Variants in HSD17B12 observed in about 807,000 individuals in gnomAD.
HSD17B12 encodes the protein very-long-chain 3-oxoacyl-CoA reductase.
HSD17B12 carries 32 observed loss-of-function variants against 39.3 expected under a neutral mutation model. That is an observed-to-expected ratio of 0.81 (90% CI 0.61 to 1.09). The LOEUF is 1.09. HSD17B12 is among the 50% of genes least tolerant of loss of function. The pLI is 0.00. For missense variants in HSD17B12, 342 were observed against 382.9 expected (o/e 0.89, Z 0.89); for synonymous variants, 150 against 146.7 (o/e 1.02, Z -0.16).
chr11:43,747,629 A>G (rs759074297), intron 1 of HSD17B12, among the ~76,000 whole-genome samples: 12 of 152,354 alleles, frequency 7.9e-5, no homozygotes, highest in Middle Eastern at 3.4e-3. Context: ...GAATGTGGAC[A>G]GATATGCAGG....
the HSD17B12 span, among the ~76,000 whole-genome samples, chr11:43,613,746 A>C: frequency 1.3e-5 from 2 of 151,722 alleles, no homozygotes; most frequent in Non-Finnish European, 1.5e-5. Flanking sequence ...AGCTCACTGC[A>C]AACTCCGCCT....
intron 1 of HSD17B12, among the ~76,000 whole-genome samples, chr11:43,717,799 T>A (rs1950137528): frequency 7.4e-6 from 1 of 135,616 alleles, no homozygotes; most frequent in Non-Finnish European, 1.6e-5. Flanking sequence ...CACATTCTTC[T>A]TCTTCTTTTT....
chr11:43,707,578 A>G (rs898529383), intron 1 of HSD17B12, among the ~76,000 whole-genome samples: 3 of 152,216 alleles, frequency 2.0e-5, no homozygotes, highest in Admixed American at 2.0e-4. Flanking sequence ...GGGAGTTATC[A>G]GTTGTGTTAC....
At chr11:43,584,362 G>C in the HSD17B12 span, among the ~76,000 whole-genome samples, 1 of 152,194 alleles carries the variant, frequency 6.6e-6, no homozygotes, top group Non-Finnish European at 1.5e-5. Context: ...AGAAGGCTTT[G>C]TGGGCATCTC....
Position 43,804,678 on chromosome 11 carries a change from A to G in HSD17B12, c.391+6251A>G, listed in dbSNP as rs1275368418. Among the ~76,000 whole-genome samples the G allele has an allele frequency of 2.6e-5, 4 of 152,034 alleles. No individual in the cohort carries two copies. The South Asian group carries it at 8.3e-4, about 32-fold the overall frequency. ...TAAACCTTATGGATTTGGGGAAGCA[A>G]TTGTGTTGCATTTTTCTCCCGAAAA... On this transcript the variant is annotated intron_variant, in intron 4 of 10. Coordinates refer to ENST00000278353, the MANE Select transcript of HSD17B12 (RefSeq NM_016142.3).
the HSD17B12 span, among the ~76,000 whole-genome samples, chr11:43,649,364 C>T: frequency 6.6e-6 from 1 of 152,006 alleles, no homozygotes; most frequent in Admixed American, 6.6e-5. Flanking sequence ...GTAATTGTTT[C>T]ATCCTAACAG....
chr11:43,731,539 A>G (rs1034751872), intron 1 of HSD17B12, among the ~76,000 whole-genome samples: 3 of 152,214 alleles, frequency 2.0e-5, no homozygotes, highest in Admixed American at 2.0e-4. Context: ...CATACTGTTT[A>G]TAACTAAGGA....
At chr11:43,753,963 T>C in intron 2 of HSD17B12, 83 bp from the exon 3 acceptor site, 1 of 801,890 alleles carries the variant, frequency 1.2e-6, no homozygotes, top group Non-Finnish European at 2.0e-6. Context: ...TCTGGACAGG[T>C]TTTCTTAAAA....
chr11:43,777,356 C>A (rs1252591765), intron 3 of HSD17B12, among the ~76,000 whole-genome samples: 2 of 152,074 alleles, frequency 1.3e-5, no homozygotes, highest in African/African-American at 4.8e-5. Flanking sequence ...GTATTTTATT[C>A]TCTTTGAAGC....
intron 3 of HSD17B12, among the ~76,000 whole-genome samples, chr11:43,792,285 T>C (rs555821400): frequency 2.0e-3 from 311 of 152,336 alleles, no homozygotes; most frequent in Non-Finnish European, 2.5e-3. Context: ...GTCTTGCATC[T>C]TTTAAATCTC....
chr11:43,715,489 T>TA (rs1477743774), intron 1 of HSD17B12, among the ~76,000 whole-genome samples: 2 of 152,182 alleles, frequency 1.3e-5, no homozygotes, highest in African/African-American at 2.4e-5. Flanking sequence ...TTGATCATGG[T>TA]AGATAAGCTT....
At chr11:43,841,480 G>A (rs7111450) in intron 9 of HSD17B12, among the ~76,000 whole-genome samples, 95,526 of 152,030 alleles carry the variant, frequency 0.63, 30,579 homozygotes, top group East Asian at 0.71. Context: ...CCAGTGTCAT[G>A]AAGCTTTTCC....
chr11:43,605,598 A>G, the HSD17B12 span, among the ~76,000 whole-genome samples: 175 of 151,320 alleles, frequency 1.2e-3, 2 homozygotes, highest in Non-Finnish European at 1.3e-4. Flanking sequence ...ATTAAGAATC[A>G]GCTCAGCTAC....
At chr11:43,814,185 A>G (rs1951099868) in intron 4 of HSD17B12, among the ~76,000 whole-genome samples, 1 of 151,650 alleles carries the variant, frequency 6.6e-6, no homozygotes, top group Non-Finnish European at 1.5e-5. Flanking sequence ...TCTGAGTTGA[A>G]TACTGGATAA....
upstream of HSD17B12, chr11:43,680,573 G>A (rs112054293): frequency 4.0e-6 from 2 of 506,162 alleles, no homozygotes; most frequent in Non-Finnish European, 3.6e-6. Context: ...CGGAACCCCG[G>A]GGGACGCGGT....
intron 3 of HSD17B12, among the ~76,000 whole-genome samples, chr11:43,792,282 A>T (rs1193451274): frequency 3.9e-5 from 6 of 152,218 alleles, no homozygotes; most frequent in African/African-American, 1.4e-4. Flanking sequence ...CTTGTCTTGC[A>T]TCTTTTAAAT....
chr11:43,711,141 G>C (rs1353716217), intron 1 of HSD17B12, among the ~76,000 whole-genome samples: 1 of 152,072 alleles, frequency 6.6e-6, no homozygotes, highest in Non-Finnish European at 1.5e-5. Flanking sequence ...ATTGTTCTTA[G>C]AAACTCTTTG....
At chr11:43,678,715 T>C (rs529152971), upstream of HSD17B12, among the ~76,000 whole-genome samples, 1 of 152,356 alleles carries the variant, frequency 6.6e-6, no homozygotes, top group Admixed American at 6.5e-5. Flanking sequence ...TTCTTGTTTT[T>C]GCCAGGTTCA....
intron 3 of HSD17B12, among the ~76,000 whole-genome samples, chr11:43,782,800 A>C (rs1315132763): frequency 6.6e-6 from 1 of 152,238 alleles, no homozygotes; most frequent in Admixed American, 6.5e-5. Context: ...AGAATACAAA[A>C]ACTTGCAAAT....
Sources: gnomAD v4.1 joint callset for allele counts (sites outside exome capture counted in the v4.1 genomes callset) on GRCh38, gnomAD v4.1.1 for gene constraint, MANE v1.5 for transcripts, NCBI Gene and HGNC (gene_info 2026-07-23, HGNC 2026-07-21) for gene names.